The following LDLRAD4 variants were observed in gnomAD, a reference collection of about 807,000 sequenced individuals.
LDLRAD4 encodes low density lipoprotein receptor class A domain containing 4.
Under a neutral mutation model 17.0 loss-of-function variants are expected in LDLRAD4, and 5 were observed. The ratio of observed to expected loss-of-function variants is 0.29; its 90% CI spans 0.15 to 0.62. LDLRAD4 has a LOEUF of 0.62. Ranked by LOEUF, LDLRAD4 falls within the 20% of genes least tolerant of loss-of-function variation. LDLRAD4 has a pLI of 0.84. For synonymous variants in LDLRAD4, 168 were observed against 171.8 expected (o/e 0.98, Z 0.17); for missense variants, 340 against 424.7 (o/e 0.80, Z 1.75).
At chr18:13,399,088 C>T (rs2086939011) in intron 2 of LDLRAD4, among the ~76,000 whole-genome samples, 1 of 152,056 alleles carries the variant, frequency 6.6e-6, no homozygotes, top group Admixed American at 6.6e-5. Flanking sequence ...GTGGTGTGTG[C>T]CTATAGTCCT....
chr18:13,346,032 T>A (rs2082666971), intron 1 of LDLRAD4, among the ~76,000 whole-genome samples: 1 of 152,204 alleles, frequency 6.6e-6, no homozygotes, highest in African/African-American at 2.4e-5. Flanking sequence ...AAAAACCAGC[T>A]CCTGGATTCA....
chr18:13,595,280 T>G (rs370445622), intron 3 of LDLRAD4, among the ~76,000 whole-genome samples: 1 of 152,174 alleles, frequency 6.6e-6, no homozygotes, highest in East Asian at 1.9e-4. Context: ...TTTATTCCTT[T>G]TGGTCCAGTG....
At chr18:13,468,233 G>A (rs1326337329) in intron 3 of LDLRAD4, among the ~76,000 whole-genome samples, 3 of 152,150 alleles carry the variant, frequency 2.0e-5, no homozygotes, top group African/African-American at 4.8e-5. Flanking sequence ...ATATTTGCAA[G>A]TCATTTATCT....
intron 3 of LDLRAD4, among the ~76,000 whole-genome samples, chr18:13,592,362 C>T (rs1456903792): frequency 6.6e-6 from 1 of 152,212 alleles, no homozygotes; most frequent in Non-Finnish European, 1.5e-5. Flanking sequence ...TCTGTTCTTT[C>T]TTTTAAAACT....
chr18:13,228,307 G>A (rs2041910841), intron 1 of LDLRAD4, among the ~76,000 whole-genome samples: 1 of 152,170 alleles, frequency 6.6e-6, no homozygotes, highest in Admixed American at 6.5e-5. Context: ...CACAGTCCTT[G>A]GCGGTTCTCC....
intron 1 of LDLRAD4, among the ~76,000 whole-genome samples, chr18:13,322,465 A>G (rs1401376965): frequency 6.6e-6 from 1 of 151,266 alleles, no homozygotes; most frequent in African/African-American, 2.4e-5. Context: ...ACGCCCAGCT[A>G]ATTTTTGTAT....
At chr18:13,267,208 T>C (rs1351349512) in intron 1 of LDLRAD4, among the ~76,000 whole-genome samples, 1 of 152,242 alleles carries the variant, frequency 6.6e-6, no homozygotes, top group Non-Finnish European at 1.5e-5. Flanking sequence ...TATGTAGATG[T>C]AGAGTGATAC....
intron 1 of LDLRAD4, among the ~76,000 whole-genome samples, chr18:13,381,675 C>T (rs1165042365): frequency 6.6e-6 from 1 of 152,346 alleles, no homozygotes; most frequent in East Asian, 1.9e-4. Flanking sequence ...AGCTCTGAGG[C>T]ACTCACATGG....
At chr18:13,250,680 C>A (rs2043185544) in intron 1 of LDLRAD4, among the ~76,000 whole-genome samples, 1 of 151,916 alleles carries the variant, frequency 6.6e-6, no homozygotes, top group Admixed American at 6.6e-5. Flanking sequence ...AAGATTGAGC[C>A]AAGAAGAAAA....
exon 6 of LDLRAD4, chr18:13,652,663 G>A (rs1387518681): frequency 6.6e-6 from 1 of 152,620 alleles, no homozygotes; most frequent in Non-Finnish European, 1.5e-5. Context: ...TCTAAGTGCT[G>A]TTTGTTAGTT....
intron 1 of LDLRAD4, among the ~76,000 whole-genome samples, chr18:13,384,679 C>A (rs1262686530): frequency 1.3e-5 from 2 of 152,150 alleles, no homozygotes; most frequent in African/African-American, 4.8e-5. Flanking sequence ...TCTTTCAATT[C>A]CTGGCTTATT....
At chr18:13,353,656 G>A (rs1386894041) in intron 1 of LDLRAD4, among the ~76,000 whole-genome samples, 2 of 152,206 alleles carry the variant, frequency 1.3e-5, no homozygotes, top group African/African-American at 4.8e-5. Flanking sequence ...TCCTCAGGCA[G>A]TCCTCAGACA....
At chr18:13,376,169 C>T (rs1306796247) in intron 1 of LDLRAD4, among the ~76,000 whole-genome samples, 1 of 152,170 alleles carries the variant, frequency 6.6e-6, no homozygotes, top group Non-Finnish European at 1.5e-5. Context: ...TGTGCGGGCA[C>T]TGGCCTCTGT....
At chr18:13,404,132 G>C (rs1216064072) in intron 2 of LDLRAD4, among the ~76,000 whole-genome samples, 1 of 152,226 alleles carries the variant, frequency 6.6e-6, no homozygotes, top group Non-Finnish European at 1.5e-5. Flanking sequence ...TTCAGATTCT[G>C]CCGCTTCTGG....
chr18:13,500,894 C>A (rs1441623261), intron 3 of LDLRAD4: 4 of 152,126 alleles, frequency 2.6e-5, no homozygotes, highest in Non-Finnish European at 5.9e-5. Context: ...GAGAAGGAAC[C>A]ATTGGCAATC....
chr18:13,348,847 C>T (rs2082865286), intron 1 of LDLRAD4, among the ~76,000 whole-genome samples: 1 of 152,198 alleles, frequency 6.6e-6, no homozygotes, highest in South Asian at 2.1e-4. Flanking sequence ...AAACGAGGCT[C>T]CATGGGTGTA....
chr18:13,267,744 C>T (rs749618077), intron 1 of LDLRAD4, among the ~76,000 whole-genome samples: 8 of 152,322 alleles, frequency 5.3e-5, no homozygotes, highest in Admixed American at 3.3e-4. Flanking sequence ...TTGGAAATCA[C>T]GCACATGTAA....
intron 2 of LDLRAD4, among the ~76,000 whole-genome samples, chr18:13,404,341 CAACA>C (rs1453746292): frequency 1.3e-5 from 2 of 152,136 alleles, no homozygotes; most frequent in Non-Finnish European, 2.9e-5. Context: ...GCCGGATGCT[CAACA>C]GAGTGGAGTG....
chr18:13,243,035 G>C (rs59835474), intron 1 of LDLRAD4, among the ~76,000 whole-genome samples: 1 of 152,122 alleles, frequency 6.6e-6, no homozygotes, highest in African/African-American at 2.4e-5. Flanking sequence ...CCACATCTCA[G>C]TTCTGCAGCA....
Sources: allele counts gnomAD v4.1 joint callset (sites outside exome capture counted in the v4.1 genomes callset), GRCh38; gene constraint gnomAD v4.1.1; transcripts MANE v1.5; gene names NCBI Gene and HGNC (gene_info 2026-07-23, HGNC 2026-07-21).